Variants in LRMDA observed in about 807,000 individuals in gnomAD.
LRMDA encodes leucine-rich melanocyte differentiation-associated protein.
Under a neutral mutation model 29.8 loss-of-function variants are expected in LRMDA, and 18 were observed. The ratio of observed to expected loss-of-function variants is 0.60; its 90% CI spans 0.42 to 0.90. The LOEUF is 0.90. Among genes scored for constraint, LRMDA ranks in the 40% least tolerant of loss-of-function variants. The probability of loss-of-function intolerance (pLI) is 0.00; values close to 1 mark genes in which losing one functional copy is unlikely to be tolerated. For missense variants in LRMDA, 273 were observed against 273.9 expected (o/e 1.00, Z 0.02); for synonymous variants, 125 against 109.4 (o/e 1.14, Z -0.89).
intron 6 of LRMDA, among the ~76,000 whole-genome samples, chr10:76,395,549 C>A (rs1364667722): frequency 6.6e-6 from 1 of 152,230 alleles, no homozygotes; most frequent in Non-Finnish European, 1.5e-5. Flanking sequence ...CACATTTGAA[C>A]CCATTCCCAA....
chr10:75,683,100 A>G (rs1198580121), intron 2 of LRMDA, among the ~76,000 whole-genome samples: 1 of 152,148 alleles, frequency 6.6e-6, no homozygotes, highest in Non-Finnish European at 1.5e-5. Flanking sequence ...TGAGCTTTCT[A>G]CAGGCCCAAA....
chr10:75,715,893 A>G (rs1458706112), intron 2 of LRMDA, among the ~76,000 whole-genome samples: 1 of 145,010 alleles, frequency 6.9e-6, no homozygotes, highest in Non-Finnish European at 1.5e-5. Context: ...TGTCTGCTCC[A>G]TATGAGTAGT....
chr10:75,894,999 G>A (rs1212021765), intron 2 of LRMDA, among the ~76,000 whole-genome samples: 1 of 152,194 alleles, frequency 6.6e-6, no homozygotes, highest in Non-Finnish European at 1.5e-5. Flanking sequence ...TCCTGGCCTG[G>A]AGGGTAGGAT....
At chr10:75,524,291 T>A (rs1239729774) in intron 2 of LRMDA, among the ~76,000 whole-genome samples, 1 of 152,118 alleles carries the variant, frequency 6.6e-6, no homozygotes, top group Non-Finnish European at 1.5e-5. Context: ...GACCTTCAGG[T>A]AGAGTGGATT....
chr10:76,312,835 A>T (rs1355785004), intron 5 of LRMDA, among the ~76,000 whole-genome samples: 1 of 151,856 alleles, frequency 6.6e-6, no homozygotes, highest in Non-Finnish European at 1.5e-5. Context: ...TTAATTATGA[A>T]ATATGGGCAT....
chr10:75,951,374 G>GGA (rs1023523336), intron 2 of LRMDA, among the ~76,000 whole-genome samples: 3 of 152,170 alleles, frequency 2.0e-5, no homozygotes, highest in Admixed American at 2.0e-4. Context: ...ACTTCCTGGA[G>GGA]GAGGTGGCTT....
chr10:76,359,631 T>C (rs1444256094), intron 6 of LRMDA, among the ~76,000 whole-genome samples: 3 of 152,162 alleles, frequency 2.0e-5, no homozygotes, highest in Non-Finnish European at 1.5e-5. Context: ...GATCAAGAAT[T>C]GAAGAGATCC....
chr10:76,421,627 G>A (rs1051214537), intron 6 of LRMDA, among the ~76,000 whole-genome samples: 3 of 152,018 alleles, frequency 2.0e-5, no homozygotes, highest in African/African-American at 2.4e-5. Flanking sequence ...TTAAGCTATC[G>A]TATGTTTCGG....
chr10:76,555,796 G>C (rs1335282712), intron 6 of LRMDA, among the ~76,000 whole-genome samples: 1 of 145,648 alleles, frequency 6.9e-6, no homozygotes, highest in Non-Finnish European at 1.5e-5. Context: ...AAATGGGCTT[G>C]TTGGTTTCAC....
intron 5 of LRMDA, among the ~76,000 whole-genome samples, chr10:76,098,542 T>C (rs1350157329): frequency 6.6e-6 from 1 of 152,214 alleles, no homozygotes; most frequent in Non-Finnish European, 1.5e-5. Context: ...GTCCCATCTT[T>C]CATTGCTGAT....
At chr10:75,792,637 G>A (rs112132337) in intron 2 of LRMDA, among the ~76,000 whole-genome samples, 1,684 of 152,308 alleles carry the variant, frequency 0.011, 27 homozygotes, top group African/African-American at 0.038. Context: ...GTGGCGAACA[G>A]CAGGGTGATT....
At chr10:75,944,351 G>T (rs559891924) in intron 2 of LRMDA, among the ~76,000 whole-genome samples, 1 of 152,070 alleles carries the variant, frequency 6.6e-6, no homozygotes, top group African/African-American at 2.4e-5. Context: ...TTGATTTTCA[G>T]AATTCAGAGG....
At chr10:76,521,428 C>T (rs973388193) in intron 6 of LRMDA, among the ~76,000 whole-genome samples, 3 of 152,200 alleles carry the variant, frequency 2.0e-5, no homozygotes, top group Non-Finnish European at 4.4e-5. Flanking sequence ...GCCACCGCGC[C>T]CAGCCCCATT....
At chr10:76,215,358 G>A (rs555114716) in intron 5 of LRMDA, among the ~76,000 whole-genome samples, 3 of 152,270 alleles carry the variant, frequency 2.0e-5, no homozygotes, top group Non-Finnish European at 4.4e-5. Context: ...CAAGGCACGT[G>A]TTCAGCTATC....
At chr10:76,468,442 G>A (rs1199736149) in intron 6 of LRMDA, among the ~76,000 whole-genome samples, 1 of 152,080 alleles carries the variant, frequency 6.6e-6, no homozygotes, top group Non-Finnish European at 1.5e-5. Context: ...GGGAGTGTTG[G>A]AGGATATTTC....
At chr10:75,859,887 T>G (rs1267892025) in intron 2 of LRMDA, among the ~76,000 whole-genome samples, 1 of 152,206 alleles carries the variant, frequency 6.6e-6, no homozygotes, top group Non-Finnish European at 1.5e-5. Flanking sequence ...TAGGCCTTGA[T>G]CCATTGAATT....
intron 2 of LRMDA, among the ~76,000 whole-genome samples, chr10:75,542,866 T>A (rs1252467565): frequency 2.6e-5 from 4 of 152,150 alleles, no homozygotes; most frequent in African/African-American, 9.7e-5. Context: ...TTCGGAAATC[T>A]CCTCTACCAG....
chr10:75,924,940 C>T (rs1331487911), intron 2 of LRMDA, among the ~76,000 whole-genome samples: 1 of 152,188 alleles, frequency 6.6e-6, no homozygotes, highest in Non-Finnish European at 1.5e-5. Context: ...GTCACATGCT[C>T]GTCCCAGTGG....
chr10:75,465,869 T>C (rs1844644306), intron 2 of LRMDA, among the ~76,000 whole-genome samples: 1 of 152,254 alleles, frequency 6.6e-6, no homozygotes, highest in Non-Finnish European at 1.5e-5. Context: ...CAATCTTGCT[T>C]AATGAAATAC....
Sources: allele counts gnomAD v4.1 joint callset (sites outside exome capture counted in the v4.1 genomes callset), GRCh38; gene constraint gnomAD v4.1.1; transcripts MANE v1.5; gene names NCBI Gene and HGNC (gene_info 2026-07-23, HGNC 2026-07-21).